INPP5A: variants seen among roughly 807,000 people sequenced by gnomAD.
The protein encoded by INPP5A is inositol polyphosphate-5-phosphatase A, also known as 43 kDa inositol polyphosphate 5-phophatase.
A neutral mutation model predicts 65.2 loss-of-function variants in INPP5A; 14 were observed. The observed-to-expected ratio is 0.21, with a 90% CI of 0.14 to 0.34. The LOEUF is 0.34. INPP5A is among the 10% of genes least tolerant of loss of function. The pLI, the probability that INPP5A is intolerant of heterozygous loss-of-function variation, is 1.00. For missense variants in INPP5A, 431 were observed against 545.6 expected, an observed-to-expected ratio of 0.79 and a Z score of 2.09; for synonymous variants, 207 against 208.3, an observed-to-expected ratio of 0.99 and a Z score of 0.05.
intron 2 of INPP5A, among the ~76,000 whole-genome samples, chr10:132,624,783 A>C (rs1267542611): frequency 6.6e-6 from 1 of 152,012 alleles, no homozygotes. Flanking sequence ...GAATGTCCAG[A>C]GGGGCTTCTC....
At chr10:132,728,047 G>A (rs190448756) in intron 9 of INPP5A, among the ~76,000 whole-genome samples, 79 of 152,322 alleles carry the variant, frequency 5.2e-4, no homozygotes, top group Non-Finnish European at 2.5e-4. Context: ...GCAGAAATGA[G>A]TGCCCCTAAA....
At position 132,663,604 on chromosome 10, in the gene INPP5A, G is replaced by A. The variant is rs979147308; in HGVS notation, c.306+13099G>A. Among the ~76,000 whole-genome samples, 1 of 152,346 alleles carries A rather than the reference G, an allele frequency of 6.6e-6. No individual in the cohort carries two copies. Among genetic ancestry groups the A allele is most frequent in the Non-Finnish European group, 1.5e-5 (1 of 68,044 alleles). On this transcript the variant is annotated intron_variant, in intron 4 of 15. Coordinates refer to ENST00000368594, the MANE Select transcript of INPP5A (RefSeq NM_005539.5). This position sits in a 1 kb window ranked among gnomAD's most constrained non-coding sequence, Gnocchi z 4.5. ...CACTCAATGAGTGATTTTGGTCGAC[G>A]TTCACCTGTACTTTCTCTGCACTCT...
At chr10:132,781,821 G>A (rs377552266) in intron 14 of INPP5A, 40 bp from the exon 15 acceptor site, 23 of 1,539,462 alleles carry the variant, frequency 1.5e-5, no homozygotes, top group African/African-American at 1.1e-4. Flanking sequence ...GTGCTGTCCC[G>A]CGTGCGCCGT....
At chr10:132,680,468 G>A (rs568092940) in intron 4 of INPP5A, among the ~76,000 whole-genome samples, 5 of 152,352 alleles carry the variant, frequency 3.3e-5, no homozygotes, top group South Asian at 4.1e-4. Context: ...GTCAAAAAGC[G>A]CAGAAGATAG....
chr10:132,773,079 G>A (rs1033012235), intron 12 of INPP5A, among the ~76,000 whole-genome samples: 11 of 152,364 alleles, frequency 7.2e-5, no homozygotes, highest in East Asian at 1.9e-4. Context: ...CGCCCTCCCC[G>A]GTGGAGGCCT....
intron 1 of INPP5A, among the ~76,000 whole-genome samples, chr10:132,553,764 A>T (rs1224814533): frequency 8.1e-6 from 1 of 123,946 alleles, no homozygotes; most frequent in East Asian, 2.7e-4. Context: ...TGGAATATTG[A>T]GTAGGATAGG....
At chr10:132,666,133 T>C (rs947228812) in intron 4 of INPP5A, among the ~76,000 whole-genome samples, 11 of 151,400 alleles carry the variant, frequency 7.3e-5, no homozygotes, top group Non-Finnish European at 1.5e-4. Flanking sequence ...AGTCACTGTG[T>C]GCCTGGCCTT....
At chr10:132,623,554 C>T (rs887996453) in intron 2 of INPP5A, among the ~76,000 whole-genome samples, 1 of 152,040 alleles carries the variant, frequency 6.6e-6, no homozygotes, top group Non-Finnish European at 1.5e-5. Flanking sequence ...TAGAAGGAAA[C>T]TTAAGAGAAA....
chr10:132,754,150 C>T (rs1421197336), intron 11 of INPP5A, among the ~76,000 whole-genome samples: 3 of 152,222 alleles, frequency 2.0e-5, no homozygotes, highest in Non-Finnish European at 2.9e-5. Flanking sequence ...AGGACCCTCC[C>T]GCCACACAGG....
At chr10:132,655,664 C>A (rs1247498462) in intron 4 of INPP5A, among the ~76,000 whole-genome samples, 1 of 152,210 alleles carries the variant, frequency 6.6e-6, no homozygotes, top group Admixed American at 6.5e-5. Context: ...AGAAGTGGAG[C>A]CCTGCAGTGG....
intron 4 of INPP5A, among the ~76,000 whole-genome samples, chr10:132,661,644 A>G (rs920334627): frequency 6.6e-6 from 1 of 152,228 alleles, no homozygotes; most frequent in African/African-American, 2.4e-5. Context: ...TTACTAATCA[A>G]AATCTGAGCA....
At chr10:132,777,824 G>C in intron 13 of INPP5A, 42 bp downstream of exon 13, 1 of 1,600,706 alleles carries the variant, frequency 6.2e-7, no homozygotes, top group Non-Finnish European at 8.5e-7. Context: ...GAGGGATGTG[G>C]AGCGCTGGGT....
chr10:132,695,142 T>C (rs1201717676), intron 5 of INPP5A, among the ~76,000 whole-genome samples: 1 of 152,156 alleles, frequency 6.6e-6, no homozygotes, highest in African/African-American at 2.4e-5. Context: ...GAGTCAGTTA[T>C]ATACTATGAC....
chr10:132,724,584 C>A lies in INPP5A; in HGVS notation c.648-2237C>A, dbSNP rs373369141. Reference sequence around the variant, plus strand: ...GGGGTTACTCAATCTCCAGAACTCACAAGGAGGCCCCAGGCCAGCAGGAGC... The same window carrying A: ...GGGGTTACTCAATCTCCAGAACTCAAAAGGAGGCCCCAGGCCAGCAGGAGC... On this transcript the variant is annotated intron_variant, in intron 8 of 15. Coordinates refer to ENST00000368594, the MANE Select transcript of INPP5A (RefSeq NM_005539.5). 2.6e-4 allele frequency among the ~76,000 whole-genome samples: 40 copies of A among 151,856 alleles called. No individual in the cohort carries two copies. The East Asian group carries it at 7.2e-3, about 27-fold the overall frequency.
rs190842637 is a variant in INPP5A, at chr10:132,694,004, C to T, written c.370+3549C>T. Among the ~76,000 whole-genome samples the T allele has an allele frequency of 4.5e-3, 691 of 152,308 alleles. 6 individuals are homozygous for T. Among genetic ancestry groups the T allele is most frequent in the South Asian group, 0.019 (92 of 4,824 alleles). ...TAAAATCAGGAAAGACATAGTTTAA[C>T]TCAACAGCACCATCAAACAAATTGA... On this transcript the variant is annotated intron_variant, in intron 5 of 15. Coordinates refer to ENST00000368594, the MANE Select transcript of INPP5A (RefSeq NM_005539.5).
At chr10:132,567,675 C>G (rs1373644768) in intron 1 of INPP5A, among the ~76,000 whole-genome samples, 1 of 152,204 alleles carries the variant, frequency 6.6e-6, no homozygotes, top group Non-Finnish European at 1.5e-5. Flanking sequence ...AGATGCGGGG[C>G]TCGGTCTGAT....
Position 132,644,333 on chromosome 10 carries a change from G to A in INPP5A, c.118-1535G>A, listed in dbSNP as rs1436436515. Among the ~76,000 whole-genome samples, 2 of 152,200 alleles carry A rather than the reference G, an allele frequency of 1.3e-5. No individual in the cohort carries two copies. The highest frequency in any genetic ancestry group is 4.8e-5 in the African/African-American group (2 of 41,458). On this transcript the variant is annotated intron_variant, in intron 2 of 15. Transcript: ENST00000368594. The surrounding 1 kb of genome is among the most constrained non-coding windows in gnomAD (Gnocchi z 6.5). ...GCCGCTGCCACCTGCAGCACAGACG[G>A]AGCCTGTGCACGGGGCCTGGTCAGA...
chr10:132,658,977 G>A (rs2072699164), intron 4 of INPP5A, among the ~76,000 whole-genome samples: 1 of 152,160 alleles, frequency 6.6e-6, no homozygotes, highest in Non-Finnish European at 1.5e-5. Flanking sequence ...CAGGCTGCCT[G>A]GGAAGCTCCT....
At chr10:132,654,663 T>C (rs528689912) in intron 4 of INPP5A, among the ~76,000 whole-genome samples, 1 of 152,364 alleles carries the variant, frequency 6.6e-6, no homozygotes, top group Non-Finnish European at 1.5e-5. Context: ...TTGATGGTAT[T>C]GGAGCAATAT....
Sources: gnomAD v4.1 joint callset for allele counts (sites outside exome capture counted in the v4.1 genomes callset) on GRCh38, gnomAD v4.1.1 for gene constraint, Gnocchi (gnomAD v3.1) non-coding constraint, MANE v1.5 for transcripts, NCBI Gene and HGNC (gene_info 2026-07-23, HGNC 2026-07-21) for gene names.